MLLT1: variants seen among roughly 807,000 people sequenced by gnomAD.
The protein encoded by MLLT1 is protein ENL.
A neutral mutation model predicts 55.1 loss-of-function variants in MLLT1; 11 were observed. The ratio of observed to expected loss-of-function variants is 0.20; its 90% CI spans 0.13 to 0.33. The LOEUF (loss-of-function observed/expected upper bound fraction) is 0.33, where lower values mean the gene tolerates loss of function less well. Among genes scored for constraint, MLLT1 ranks in the 10% least tolerant of loss-of-function variants. MLLT1 has a pLI of 1.00. For synonymous variants in MLLT1, 323 were observed against 320.1 expected (o/e 1.01, Z -0.10); for missense variants, 536 against 760.6 (o/e 0.70, Z 3.47).
chr19:6,235,261 G>A lies in MLLT1; in HGVS notation c.277-4548C>T, dbSNP rs1219555909. 6.6e-6 allele frequency among the ~76,000 whole-genome samples: 1 copy of A among 152,218 alleles called. No individual in the cohort carries two copies. The highest frequency in any genetic ancestry group is 1.5e-5 in the Non-Finnish European group (1 of 68,040). On this transcript the variant is annotated intron_variant, in intron 3 of 11. Coordinates refer to ENST00000252674, the MANE Select transcript of MLLT1 (RefSeq NM_005934.4). The surrounding 1 kb of genome is among the most constrained non-coding windows in gnomAD (Gnocchi z 5.5). ...GACGCTGGCAGCACGGCTGTGCAGA[G>A]GATGAACGTGGCTGGGGGGCATCCT...
rs972601156 is a variant in MLLT1 at position 6,262,854 on chromosome 19, C to T, written c.194-544G>A. On this transcript the variant is annotated intron_variant, in intron 2 of 11. Transcript: ENST00000252674. This position sits in a 1 kb window ranked among gnomAD's most constrained non-coding sequence, Gnocchi z 4.4. ...ACCTAATAAGAGCATTCCCAAGTGA[C>T]GCAAACAAAACCCCATTGACCCCAG... is the stretch of plus-strand genomic sequence containing the variant. 1.3e-4 allele frequency among the ~76,000 whole-genome samples: 19 copies of T among 151,398 alleles called. No individual in the cohort carries two copies. The highest frequency in any genetic ancestry group is 3.2e-3 in the Middle Eastern group (1 of 316).
At chr19:6,268,010 T>G (rs2091362877) in intron 2 of MLLT1, among the ~76,000 whole-genome samples, 2 of 151,680 alleles carry the variant, frequency 1.3e-5, no homozygotes, top group South Asian at 4.2e-4. Flanking sequence ...AACCTCTGAC[T>G]TGGGGTGGGG....
chr19:6,250,643 G>A (rs940658565), intron 3 of MLLT1, among the ~76,000 whole-genome samples: 2 of 152,172 alleles, frequency 1.3e-5, no homozygotes, highest in African/African-American at 2.4e-5. Context: ...GCAGATTCAC[G>A]TTTTGCCTTT....
intron 3 of MLLT1, among the ~76,000 whole-genome samples, chr19:6,251,790 A>T (rs998849158): frequency 1.3e-5 from 2 of 151,818 alleles, no homozygotes; most frequent in Admixed American, 6.6e-5. Flanking sequence ...AAAGAAAGAA[A>T]GAATGAACGA....
intron 3 of MLLT1, among the ~76,000 whole-genome samples, chr19:6,236,114 C>G (rs1158885246): frequency 6.6e-6 from 1 of 152,184 alleles, no homozygotes; most frequent in African/African-American, 2.4e-5. Flanking sequence ...ATGCCACAGG[C>G]GCCTACCATA....
In MLLT1 at chr19:6,212,684, T is replaced by C. The variant is rs2090789851; in HGVS notation, c.*358A>G. On this transcript the variant is annotated 3_prime_UTR_variant, in exon 12 of 12. Transcript: ENST00000252674. Reference sequence around the variant, plus strand: ...CCGTCGATCCGCTGCTCAGAAAGGCTGGGGCAGCGACGCCGCACAGCCCGC... The same window carrying C: ...CCGTCGATCCGCTGCTCAGAAAGGCCGGGGCAGCGACGCCGCACAGCCCGC... 2 of 1,117,772 alleles carry C rather than the reference T, an allele frequency of 1.8e-6. No homozygotes were observed. The highest frequency in any genetic ancestry group is 7.1e-5 in the South Asian group (2 of 28,026). The allele number at this position is 1,117,772 out of a possible 1,614,324, so 69.2% of individuals were successfully genotyped here.
At chr19:6,215,149 C>G (rs2144844490) in intron 8 of MLLT1, among the ~76,000 whole-genome samples, 1 of 152,362 alleles carries the variant, frequency 6.6e-6, no homozygotes, top group East Asian at 1.9e-4. Flanking sequence ...ACGGTGTGGC[C>G]TGGGCGCTCC....
intron 2 of MLLT1, among the ~76,000 whole-genome samples, chr19:6,264,401 G>A (rs1046240477): frequency 1.3e-5 from 2 of 152,086 alleles, no homozygotes; most frequent in African/African-American, 4.8e-5. Context: ...GGAGGCCCGT[G>A]AGCCTTCAGG....
At chr19:6,247,042 G>T (rs1028649577) in intron 3 of MLLT1, among the ~76,000 whole-genome samples, 1 of 152,218 alleles carries the variant, frequency 6.6e-6, no homozygotes, top group Admixed American at 6.5e-5. Flanking sequence ...TCGGGAGCCA[G>T]GTTTCCCCCT....
At chr19:6,258,453 C>T (rs2091276693) in intron 3 of MLLT1, among the ~76,000 whole-genome samples, 1 of 152,184 alleles carries the variant, frequency 6.6e-6, no homozygotes, top group Non-Finnish European at 1.5e-5. Flanking sequence ...AGATGTCAAG[C>T]AAGGCAACGC....
chr19:6,212,798 A>T lies in MLLT1; in HGVS notation c.*244T>A. The T allele has an allele frequency of 1.1e-6, 1 of 913,396 alleles. No individual in the cohort carries two copies. The highest frequency in any genetic ancestry group is 1.5e-6 in the Non-Finnish European group (1 of 672,420). The allele number at this position is 913,396 out of a possible 1,614,324, so 56.6% of individuals were successfully genotyped here. A position where few individuals can be genotyped will look rare whatever the true frequency, so the allele number is the denominator to read the frequency against. On this transcript the variant is annotated 3_prime_UTR_variant, in exon 12 of 12. Coordinates refer to ENST00000252674, the MANE Select transcript of MLLT1 (RefSeq NM_005934.4). ...TGCCTTCAACACCAGCCGCTCTCTG[A>T]GGGGAGCCCAGAGAGCCCGGGGGGC...
At position 6,213,717 on chromosome 19, in the gene MLLT1, C is replaced by T. The variant is rs780325987; in HGVS notation, c.1479+9G>A. On this transcript the variant is annotated intron_variant, in intron 10 of 11. Transcript: ENST00000252674. ...TAGCCTCCCCGCCTTGTCGTAGGTG[C>T]CCCCCCACCTTGTCGTAGGTGCCCT... 6.9e-6 allele frequency: 8 copies of T among 1,165,440 alleles called. No individual in the cohort carries two copies. The highest frequency in any genetic ancestry group is 2.5e-5 in the South Asian group (2 of 80,272). The allele number at this position is 1,165,440 out of a possible 1,614,324, so 72.2% of individuals were successfully genotyped here. A position where few individuals can be genotyped will look rare whatever the true frequency, so the allele number is the denominator to read the frequency against.
At chr19:6,249,589 G>A (rs367601006) in intron 3 of MLLT1, among the ~76,000 whole-genome samples, 6 of 152,298 alleles carry the variant, frequency 3.9e-5, no homozygotes, top group South Asian at 2.1e-4. Flanking sequence ...CCTCGAGGCC[G>A]CATGTGATGG....
At chr19:6,252,589 T>C (rs1220266364) in intron 3 of MLLT1, among the ~76,000 whole-genome samples, 1 of 152,132 alleles carries the variant, frequency 6.6e-6, no homozygotes, top group Non-Finnish European at 1.5e-5. Flanking sequence ...TACACAGTGC[T>C]CAGAGCGAAA....
At position 6,224,288 on chromosome 19, in the gene MLLT1, G is replaced by C. The variant is rs1032068507; in HGVS notation, c.547-1604C>G. ...AAGGGCAAGCCCTGTGCCCAGCCTGGCTCTTCCACCTGGGACAGCGGGAGT... is the reference window on the plus strand; with the variant it reads ...AAGGGCAAGCCCTGTGCCCAGCCTGCCTCTTCCACCTGGGACAGCGGGAGT... On this transcript the variant is annotated intron_variant, in intron 5 of 11. Coordinates refer to ENST00000252674, the MANE Select transcript of MLLT1 (RefSeq NM_005934.4). Among the ~76,000 whole-genome samples, 5 of 152,384 alleles carry C rather than the reference G, an allele frequency of 3.3e-5. 1 individual carries two copies. The highest frequency in any genetic ancestry group is 1.2e-4 in the African/African-American group (5 of 41,602).
intron 2 of MLLT1, among the ~76,000 whole-genome samples, chr19:6,269,773 C>T (rs1020776111): frequency 2.6e-5 from 4 of 152,254 alleles, no homozygotes; most frequent in African/African-American, 9.6e-5. Flanking sequence ...GCTCTTCCCA[C>T]CCTGAAGTGC....
Position 6,227,983 on chromosome 19 carries a change from C to T in MLLT1, c.421-881G>A, listed in dbSNP as rs144588717. Reference sequence around the variant, plus strand: ...GAAGCACTGCTAACAGCCTTGAGCACCTGCAGTTCCCGGCCAGCCAAGCCT... The same window carrying T: ...GAAGCACTGCTAACAGCCTTGAGCATCTGCAGTTCCCGGCCAGCCAAGCCT... On this transcript the variant is annotated intron_variant, in intron 4 of 11. Coordinates refer to ENST00000252674, the MANE Select transcript of MLLT1 (RefSeq NM_005934.4). This position sits in a 1 kb window ranked among gnomAD's most constrained non-coding sequence, Gnocchi z 5.1. 0.013 allele frequency among the ~76,000 whole-genome samples: 1,925 copies of T among 152,294 alleles called. 20 individuals are homozygous for T. Among genetic ancestry groups the T allele is most frequent in the South Asian group, 0.034 (164 of 4,830 alleles).
chr19:6,248,754 T>G (rs1005963699), intron 3 of MLLT1, among the ~76,000 whole-genome samples: 5 of 152,080 alleles, frequency 3.3e-5, no homozygotes, highest in African/African-American at 1.2e-4. Flanking sequence ...CCAAGGCAAG[T>G]CCCTAGTTTA....
chr19:6,255,560 A>C (rs1338205984), intron 3 of MLLT1, among the ~76,000 whole-genome samples: 1 of 152,246 alleles, frequency 6.6e-6, no homozygotes, highest in Non-Finnish European at 1.5e-5. Context: ...TGTATACTGA[A>C]AACTATAAAA....
Sources: allele counts gnomAD v4.1 joint callset (sites outside exome capture counted in the v4.1 genomes callset), GRCh38; gene constraint gnomAD v4.1.1; non-coding constraint Gnocchi (gnomAD v3.1); transcripts MANE v1.5; gene names NCBI Gene and HGNC (gene_info 2026-07-23, HGNC 2026-07-21).